HNRNPF: variants seen among roughly 807,000 people sequenced by gnomAD.
HNRNPF encodes the protein heterogeneous nuclear ribonucleoprotein F, also known as HnRNP F protein.
A neutral mutation model predicts 26.0 loss-of-function variants in HNRNPF; 2 were observed. That is an observed-to-expected ratio of 0.08 (90% CI 0.03 to 0.24). HNRNPF has a LOEUF of 0.24. HNRNPF is among the 10% of genes least tolerant of loss of function. The probability of loss-of-function intolerance (pLI) is 1.00; values close to 1 mark genes in which losing one functional copy is unlikely to be tolerated. For missense variants in HNRNPF, 299 were observed against 539.2 expected (o/e 0.55, Z 4.41); for synonymous variants, 234 against 211.5 (o/e 1.11, Z -0.92).
chr10:43,387,559 T>G lies in HNRNPF; in HGVS notation c.326A>C (p.Asn109Thr). The change falls in exon 4 of 4, where the codon AAC becomes ACC. Residue 109 changes from asparagine (N) to threonine (T), a missense_variant. By Grantham distance (65) the Asn-to-Thr change is moderately conservative (BLOSUM62 0). Coordinates refer to ENST00000682386, the MANE Select transcript of HNRNPF (RefSeq NM_001098204.2). The surrounding 1 kb of genome is among the most constrained non-coding windows in gnomAD (Gnocchi z 6.0). ...HSGPNSADSA[N>T]DGFVRLRGLP... is the part of the protein sequence containing the mutation. ...TCCTCGAAGCCGCACGAAGCCATCG[T>G]TGGCGCTGTCGGCACTGTTGGGACC... The G allele has an allele frequency of 6.2e-7, 1 of 1,614,172 alleles. No homozygotes were observed. The highest frequency in any genetic ancestry group is 8.5e-7 in the Non-Finnish European group (1 of 1,180,012).
At chr10:43,400,185 T>C (rs539458558) in intron 1 of HNRNPF, among the ~76,000 whole-genome samples, 2 of 152,136 alleles carry the variant, frequency 1.3e-5, no homozygotes, top group Admixed American at 6.6e-5. Context: ...CCCATCTCTA[T>C]ATAGGAAAAA....
chr10:43,386,449 T>C lies in HNRNPF; in HGVS notation c.*188A>G. 1.8e-6 allele frequency: 1 copy of C among 552,932 alleles called. No homozygotes were observed. The highest frequency in any genetic ancestry group is 3.1e-6 in the Non-Finnish European group (1 of 317,854). The allele number at this position is 552,932 out of a possible 1,614,324, so 34.3% of individuals were successfully genotyped here. On this transcript the variant is annotated 3_prime_UTR_variant, in exon 4 of 4. Transcript: ENST00000682386. ...AGAAAAGCTGAAAATAGTTTTAGTT[T>C]ACTCATTATCACATGCTAGAAGAAA...
At position 43,394,871 on chromosome 10, in the gene HNRNPF, C is replaced by G. The variant is rs574298409; in HGVS notation, c.-111-183G>C. ...TTGGAAGTATTATCTTTTCACAGGGCAATACAGAGCACAACAAAAGGGAAA... is the reference window on the plus strand; with the variant it reads ...TTGGAAGTATTATCTTTTCACAGGGGAATACAGAGCACAACAAAAGGGAAA... On this transcript the variant is annotated intron_variant, in intron 2 of 3. Transcript: ENST00000682386. 3.9e-5 allele frequency among the ~76,000 whole-genome samples: 6 copies of G among 152,166 alleles called. No individual in the cohort carries two copies. The East Asian group carries it at 1.2e-3, about 29-fold the overall frequency.
intron 1 of HNRNPF, among the ~76,000 whole-genome samples, chr10:43,400,910 C>T (rs1332819662): frequency 3.9e-5 from 5 of 128,022 alleles, no homozygotes; most frequent in Middle Eastern, 4.1e-3. Flanking sequence ...GGTGAAACCT[C>T]GTCTCTACTA....
At position 43,387,129 on chromosome 10, in the gene HNRNPF, G is replaced by A. The variant is rs772996224; in HGVS notation, c.756C>T (p.Gly252=). The change falls in exon 4 of 4, where the codon GGC becomes GGT. Residue 252 remains glycine, a synonymous_variant. Transcript: ENST00000682386. The surrounding 1 kb of genome is among the most constrained non-coding windows in gnomAD (Gnocchi z 6.0). ...CGAACAGGTCGGTGGTGAAGCCGTA[G>A]CCATCACTGAGGCCACTGTACTCCT... is the stretch of plus-strand genomic sequence containing the variant. The part of the protein sequence containing the change: ...GYEEYSGLSD[G]YGFTTDLFGR... 8 of 1,613,780 alleles carry A rather than the reference G, an allele frequency of 5.0e-6. No individual in the cohort carries two copies. Among genetic ancestry groups the A allele is most frequent in the African/African-American group, 2.7e-5 (2 of 74,874 alleles).
In HNRNPF at chr10:43,386,568, T is replaced by C; in HGVS notation, c.*69A>G. On this transcript the variant is annotated 3_prime_UTR_variant, in exon 4 of 4. Coordinates refer to ENST00000682386, the MANE Select transcript of HNRNPF (RefSeq NM_001098204.2). Reference sequence around the variant, plus strand: ...ATGGGTCCCCCAGCTTCCTCTATTATAACTGCTCTTAATTGCTTGTTGGCT... The same window carrying C: ...ATGGGTCCCCCAGCTTCCTCTATTACAACTGCTCTTAATTGCTTGTTGGCT... 3 of 1,434,270 alleles carry C rather than the reference T, an allele frequency of 2.1e-6. No individual in the cohort carries two copies. The highest frequency in any genetic ancestry group is 2.8e-6 in the Non-Finnish European group (3 of 1,077,000). The allele number at this position is 1,434,270 out of a possible 1,614,324, so 88.8% of individuals were successfully genotyped here. A position where few individuals can be genotyped will look rare whatever the true frequency, so the allele number is the denominator to read the frequency against.
chr10:43,391,035 T>C (rs1232290463), intron 3 of HNRNPF, among the ~76,000 whole-genome samples: 1 of 152,168 alleles, frequency 6.6e-6, no homozygotes, highest in African/African-American at 2.4e-5. Context: ...CCAGGCACAG[T>C]GGCTCCCACC....
intron 1 of HNRNPF, among the ~76,000 whole-genome samples, chr10:43,399,249 A>ATT (rs1174248714): frequency 6.6e-6 from 1 of 150,422 alleles, no homozygotes; most frequent in African/African-American, 2.4e-5. Context: ...AGCCGGGCTA[A>ATT]TTTTTTTTTT....
intron 1 of HNRNPF, among the ~76,000 whole-genome samples, chr10:43,398,800 T>A (rs1717757713): frequency 6.6e-6 from 1 of 151,926 alleles, no homozygotes; most frequent in Non-Finnish European, 1.5e-5. Context: ...ACCACTGGCA[T>A]GCAACCACAC....
intron 1 of HNRNPF, among the ~76,000 whole-genome samples, chr10:43,399,841 T>C (rs562416261): frequency 6.6e-6 from 1 of 152,150 alleles, no homozygotes; most frequent in Admixed American, 6.5e-5. Flanking sequence ...GTGGGTCCAG[T>C]AACAGTGGAG....
intron 3 of HNRNPF, among the ~76,000 whole-genome samples, chr10:43,389,160 C>A (rs933726041): frequency 6.6e-6 from 1 of 151,892 alleles, no homozygotes; most frequent in African/African-American, 2.4e-5. Context: ...TTAGGAGATA[C>A]GGGATTTCAC....
At chr10:43,406,954 A>G (rs1221021785) in intron 1 of HNRNPF, among the ~76,000 whole-genome samples, 3 of 152,216 alleles carry the variant, frequency 2.0e-5, no homozygotes, top group Non-Finnish European at 4.4e-5. Flanking sequence ...ATTCTGTGAG[A>G]GCAACGAGTC....
Position 43,396,500 on chromosome 10 carries a change from C to T in HNRNPF, c.-156G>A, listed in dbSNP as rs1162372276. The T allele has an allele frequency of 1.3e-5, 2 of 152,444 alleles. No individual in the cohort carries two copies. The highest frequency in any genetic ancestry group is 2.9e-5 in the Non-Finnish European group (2 of 68,144). The allele number at this position is 152,444 out of a possible 1,614,324, so 9.4% of individuals were successfully genotyped here. On this transcript the variant is annotated 5_prime_UTR_variant, in exon 2 of 4. Transcript: ENST00000682386. ...GGTTTCTGTTGCTACCAGGCAAGCG[C>T]GGCTGGCAGCCAAGAGCCCCGAAAT... is the stretch of plus-strand genomic sequence containing the variant.
In HNRNPF at chr10:43,386,079, T is replaced by G. The variant is rs1838013029; in HGVS notation, c.*558A>C. 6.6e-6 allele frequency: 1 copy of G among 152,630 alleles called. No individual in the cohort carries two copies. The highest frequency in any genetic ancestry group is 1.5e-5 in the Non-Finnish European group (1 of 68,038). 9.5% of individuals were successfully genotyped at this position (152,630 alleles called of 1,614,324 possible). On this transcript the variant is annotated 3_prime_UTR_variant, in exon 4 of 4. Transcript: ENST00000682386. ...TTAGTTAACAAAAAATTTAACAAGT[T>G]TCACTTAGCAAAATACACCCAAAAG...
At chr10:43,393,774 C>T (rs1245447345) in intron 3 of HNRNPF, among the ~76,000 whole-genome samples, 2 of 152,098 alleles carry the variant, frequency 1.3e-5, no homozygotes, top group South Asian at 4.1e-4. Flanking sequence ...GCAACTTTTG[C>T]CTGCAACACT....
rs1219181706 is a variant in HNRNPF at position 43,396,473 on chromosome 10, C to G, written c.-129G>C. Reference sequence around the variant, plus strand: ...AGACTTACCACGGAGGCGAGCAGGACTGGTTTCTGTTGCTACCAGGCAAGC... The same window carrying G: ...AGACTTACCACGGAGGCGAGCAGGAGTGGTTTCTGTTGCTACCAGGCAAGC... On this transcript the variant is annotated 5_prime_UTR_variant, in exon 2 of 4. Transcript: ENST00000682386. 2 of 152,364 alleles carry G rather than the reference C, an allele frequency of 1.3e-5. No individual in the cohort carries two copies. The highest frequency in any genetic ancestry group is 1.3e-4 in the Admixed American group (2 of 15,290). 9.4% of individuals were successfully genotyped at this position (152,364 alleles called of 1,614,324 possible).
At chr10:43,388,814 T>C (rs1325738086) in intron 3 of HNRNPF, among the ~76,000 whole-genome samples, 2 of 152,158 alleles carry the variant, frequency 1.3e-5, no homozygotes, top group African/African-American at 4.8e-5. Context: ...TGGAAGGCAG[T>C]CTTCTGAGAA....
At chr10:43,406,840 C>A (rs1224591268) in intron 1 of HNRNPF, among the ~76,000 whole-genome samples, 1 of 152,082 alleles carries the variant, frequency 6.6e-6, no homozygotes, top group Non-Finnish European at 1.5e-5. Flanking sequence ...GAATGCACAC[C>A]GGAATGTAAT....
intron 2 of HNRNPF, among the ~76,000 whole-genome samples, chr10:43,395,151 G>A (rs1223172304): frequency 6.6e-6 from 1 of 152,080 alleles, no homozygotes; most frequent in African/African-American, 2.4e-5. Context: ...GCACTTGGGA[G>A]GGAGATGGGT....
Sources: allele counts gnomAD v4.1 joint callset (sites outside exome capture counted in the v4.1 genomes callset), GRCh38; gene constraint gnomAD v4.1.1; non-coding constraint Gnocchi (gnomAD v3.1); transcripts MANE v1.5; gene names NCBI Gene and HGNC (gene_info 2026-07-23, HGNC 2026-07-21).